The following PARD3 variants were observed in gnomAD, a reference collection of about 807,000 sequenced individuals.
PARD3 encodes the protein partitioning defective 3 homolog.
Under a neutral mutation model 155.4 loss-of-function variants are expected in PARD3, and 75 were observed. The observed-to-expected ratio is 0.48, with a 90% CI of 0.40 to 0.58. The LOEUF (loss-of-function observed/expected upper bound fraction) is 0.58. Ranked by LOEUF, PARD3 falls within the 20% of genes least tolerant of loss-of-function variation. The pLI, the probability that PARD3 is intolerant of heterozygous loss-of-function variation, is 0.00. For missense variants in PARD3, 1,642 were observed against 1,721.7 expected (o/e 0.95, Z 0.82); for synonymous variants, 576 against 610.5 (o/e 0.94, Z 0.83).
At chr10:34,451,785 T>C (rs2077074308) in intron 4 of PARD3, among the ~76,000 whole-genome samples, 1 of 151,512 alleles carries the variant, frequency 6.6e-6, no homozygotes, top group Non-Finnish European at 1.5e-5. Flanking sequence ...TTTTTTTTTT[T>C]TTTTAATAGA....
intron 2 of PARD3, among the ~76,000 whole-genome samples, chr10:34,572,729 A>G (rs1021169605): frequency 6.6e-6 from 1 of 151,634 alleles, no homozygotes; most frequent in Admixed American, 6.6e-5. Flanking sequence ...TTGACTGATC[A>G]GCATCAAAAC....
intron 5 of PARD3, 48 bp from the exon 6 acceptor site, chr10:34,401,965 T>C: frequency 7.1e-7 from 1 of 1,416,982 alleles, no homozygotes; most frequent in Non-Finnish European, 1.0e-6. Context: ...TTAGGTTTCT[T>C]GCTACAATGT....
At chr10:34,182,045 G>A (rs1433172697) in intron 22 of PARD3, among the ~76,000 whole-genome samples, 6 of 152,118 alleles carry the variant, frequency 3.9e-5, no homozygotes, top group Non-Finnish European at 4.4e-5. Context: ...AGTCTATACC[G>A]CTGATGAAAA....
chr10:34,726,233 T>G (rs1469082304), intron 1 of PARD3, among the ~76,000 whole-genome samples: 1 of 152,130 alleles, frequency 6.6e-6, no homozygotes, highest in African/African-American at 2.4e-5. Context: ...GTGAATCACC[T>G]AAGTTAAGGA....
At chr10:34,710,016 G>A (rs968586637) in intron 1 of PARD3, among the ~76,000 whole-genome samples, 2 of 152,134 alleles carry the variant, frequency 1.3e-5, no homozygotes, top group Non-Finnish European at 2.9e-5. Flanking sequence ...GGGACAGGGA[G>A]CTAGAATTTG....
chr10:34,485,903 G>A (rs1243897276), intron 3 of PARD3, among the ~76,000 whole-genome samples: 2 of 136,240 alleles, frequency 1.5e-5, no homozygotes, highest in Non-Finnish European at 3.1e-5. Context: ...TAATGTGGCT[G>A]TTTAAACGTT....
chr10:34,614,890 C>T (rs138199641), intron 2 of PARD3, among the ~76,000 whole-genome samples: 8 of 152,176 alleles, frequency 5.3e-5, no homozygotes, highest in African/African-American at 1.7e-4. Flanking sequence ...TTAAAAAACG[C>T]AAAGCAGGCC....
At chr10:34,208,119 T>A (rs993674275) in intron 22 of PARD3, among the ~76,000 whole-genome samples, 2 of 152,240 alleles carry the variant, frequency 1.3e-5, no homozygotes, top group Admixed American at 6.5e-5. Context: ...GAATTGCATT[T>A]TTTAGAGACA....
rs1836184194 is a variant in PARD3, at chr10:34,336,328, A to G, written c.2561-85T>C. The G allele has an allele frequency of 3.1e-6, 3 of 954,742 alleles. No homozygotes were observed. The South Asian group carries it at 4.2e-5, about 13-fold the overall frequency. 59.1% of individuals were successfully genotyped at this position (954,742 alleles called of 1,614,324 possible). ...CCACCATTCCCAGATCTTTTTAGTT[A>G]GGTGACGATCCTCAGCTAATATTTC... On this transcript the variant is annotated intron_variant, in intron 17 of 24. Coordinates refer to ENST00000374788, the MANE Select transcript of PARD3 (RefSeq NM_001184785.2).
intron 1 of PARD3, among the ~76,000 whole-genome samples, chr10:34,762,300 G>A (rs1383843482): frequency 2.0e-5 from 3 of 151,654 alleles, no homozygotes; most frequent in Admixed American, 6.6e-5. Context: ...CAGAGAGAGA[G>A]AGAGAGAGAG....
chr10:34,600,985 T>C (rs1300395283), intron 2 of PARD3, among the ~76,000 whole-genome samples: 1 of 142,394 alleles, frequency 7.0e-6, no homozygotes, highest in Non-Finnish European at 1.5e-5. Flanking sequence ...TTTTTTTTTT[T>C]TTTTTGTAGA....
At chr10:34,425,101 C>T (rs1342788) in intron 5 of PARD3, among the ~76,000 whole-genome samples, 107,707 of 151,426 alleles carry the variant, frequency 0.71, 38,987 homozygotes, top group African/African-American at 0.85. Flanking sequence ...TTTTTTATTC[C>T]ACCTCCTATC....
At chr10:34,462,425 A>G (rs891572672) in intron 4 of PARD3, among the ~76,000 whole-genome samples, 1 of 152,242 alleles carries the variant, frequency 6.6e-6, no homozygotes, top group Non-Finnish European at 1.5e-5. Context: ...AACAGAACAT[A>G]AAGGGAAAAA....
At chr10:34,288,185 TGG>T (rs1156462638) in intron 20 of PARD3, among the ~76,000 whole-genome samples, 6 of 152,192 alleles carry the variant, frequency 3.9e-5, no homozygotes, top group African/African-American at 1.2e-4. Context: ...CACTCCAGCC[TGG>T]GTGACAGAGT....
chr10:34,789,748 CAA>C (rs1438413693), intron 1 of PARD3, among the ~76,000 whole-genome samples: 1 of 65,844 alleles, frequency 1.5e-5, no homozygotes, highest in African/African-American at 1.2e-4. Flanking sequence ...TATATATACA[CAA>C]ACAAACAGAA....
At chr10:34,154,416 C>G (rs538203883) in intron 22 of PARD3, among the ~76,000 whole-genome samples, 1 of 152,214 alleles carries the variant, frequency 6.6e-6, no homozygotes, top group Non-Finnish European at 1.5e-5. Context: ...CACACTGCAG[C>G]TTTCCTGGCA....
Position 34,249,976 on chromosome 10 carries a change from GC to G in PARD3, c.3419+19680del, listed in dbSNP as rs149169430. On this transcript the variant is annotated intron_variant, in intron 22 of 24. Coordinates refer to ENST00000374788, the MANE Select transcript of PARD3 (RefSeq NM_001184785.2). ...GATAGCAATCTCATCTGGTGAGCAT[GC>G]CACACACGAGATGCTTTGTTCTTTC... 8.7e-3 allele frequency among the ~76,000 whole-genome samples: 1,323 copies of G among 152,260 alleles called. 16 individuals carry two copies. The highest frequency in any genetic ancestry group is 0.03 in the African/African-American group (1,254 of 41,550).
intron 2 of PARD3, among the ~76,000 whole-genome samples, chr10:34,665,944 G>A (rs1354764695): frequency 6.8e-6 from 1 of 147,218 alleles, no homozygotes; most frequent in Non-Finnish European, 1.5e-5. Context: ...TCTAGGCCAG[G>A]CGTTCACACC....
intron 22 of PARD3, among the ~76,000 whole-genome samples, chr10:34,229,533 G>A (rs996055658): frequency 1.3e-5 from 2 of 152,014 alleles, no homozygotes; most frequent in African/African-American, 4.8e-5. Context: ...ACAGGTGTGA[G>A]CCACATCTGG....
Sources: allele counts gnomAD v4.1 joint callset (sites outside exome capture counted in the v4.1 genomes callset), GRCh38; gene constraint gnomAD v4.1.1; transcripts MANE v1.5; gene names NCBI Gene and HGNC (gene_info 2026-07-23, HGNC 2026-07-21).